Variants in PIGG observed in about 807,000 individuals in gnomAD.
PIGG encodes the protein phosphatidylinositol glycan anchor biosynthesis class G (EMM blood group).
Under a neutral mutation model 83.2 loss-of-function variants are expected in PIGG, and 70 were observed. The ratio of observed to expected loss-of-function variants is 0.84; its 90% CI spans 0.69 to 1.03. PIGG has a LOEUF of 1.03. Ranked by LOEUF, PIGG falls within the 50% of genes least tolerant of loss-of-function variation. The pLI is 0.00. For synonymous variants in PIGG, 532 were observed against 519.5 expected (o/e 1.02, Z -0.33); for missense variants, 1,257 against 1,233.6 (o/e 1.02, Z -0.28).
chr4:535,747 C>A lies in PIGG; in HGVS notation c.2735+1766C>A, dbSNP rs73794951. On this transcript the variant is annotated intron_variant, in intron 12 of 12. Coordinates refer to ENST00000453061, the MANE Select transcript of PIGG (RefSeq NM_001127178.3). ...CCGGCGACTCCACAGAGCATCTGCA[C>A]GTTTCTGTGGTCCCGCTCCGCCCTC... is the stretch of plus-strand genomic sequence containing the variant. Among the ~76,000 whole-genome samples, 1,117 of 152,276 alleles carry A rather than the reference C, an allele frequency of 7.3e-3. 14 individuals are homozygous for A. The highest frequency in any genetic ancestry group is 0.025 in the African/African-American group (1,052 of 41,560).
At chr4:535,034 G>A (rs967409087) in intron 12 of PIGG, among the ~76,000 whole-genome samples, 5 of 152,228 alleles carry the variant, frequency 3.3e-5, no homozygotes, top group Non-Finnish European at 7.3e-5. Context: ...CTCATCGTAT[G>A]TTTCTTGCTC....
At position 523,609 on chromosome 4, in the gene PIGG, C is replaced by T; in HGVS notation, c.1765C>T (p.Leu589=). The T allele has an allele frequency of 3.1e-6, 5 of 1,614,208 alleles. No homozygotes were observed. Among genetic ancestry groups the T allele is most frequent in the Non-Finnish European group, 4.2e-6 (5 of 1,180,046 alleles). The part of the protein sequence containing the change: ...YFLVNTLCLA[L]SQETYRNYFL... Reference sequence around the variant, plus strand: ...CCTTGTGAACACCCTGTGTCTAGCTCTGAGCCAAGAAACCTACAGAAACTA... The same window carrying T: ...CCTTGTGAACACCCTGTGTCTAGCTTTGAGCCAAGAAACCTACAGAAACTA... Residue 589 remains leucine, a synonymous_variant, in exon 9 of 13, where the codon CTG becomes TTG. Transcript: ENST00000453061.
Position 521,958 on chromosome 4 carries a change from C to T in PIGG, c.1614+17C>T. On this transcript the variant is annotated intron_variant, in intron 8 of 12. Transcript: ENST00000453061. ...CCAAGGAAGGTACGTACGGCTGGTT[C>T]CTGGGAGTGTGACGTAGTCCTTCTG... 1 of 1,613,402 alleles carries T rather than the reference C, an allele frequency of 6.2e-7. No individual in the cohort carries two copies. The highest frequency in any genetic ancestry group is 8.5e-7 in the Non-Finnish European group (1 of 1,179,460).
At chr4:499,626 T>C (rs1553874413) in intron 1 of PIGG, 137 bp downstream of exon 1, 2 of 1,419,586 alleles carry the variant, frequency 1.4e-6, no homozygotes, top group Non-Finnish European at 9.2e-7. Flanking sequence ...CCTCAGAAAT[T>C]TTTTTTAACC....
At chr4:508,689 C>T (rs782432858) in intron 4 of PIGG, 140 bp from the exon 5 acceptor site, 1 of 702,264 alleles carries the variant, frequency 1.4e-6, no homozygotes, top group Non-Finnish European at 2.4e-6. Flanking sequence ...TGGCTATGAG[C>T]TCATAGGAAA....
chr4:512,639 A>G (rs1023438443), intron 5 of PIGG, among the ~76,000 whole-genome samples: 4 of 147,512 alleles, frequency 2.7e-5, no homozygotes, highest in Non-Finnish European at 6.0e-5. Context: ...ACACGGTGAA[A>G]CCCCGTCTCT....
intron 3 of PIGG, 132 bp downstream of exon 3, chr4:506,059 A>G (rs1719572638): frequency 6.1e-6 from 4 of 652,080 alleles, no homozygotes; most frequent in Non-Finnish European, 1.1e-5. Context: ...TACTATGGAC[A>G]GGTGTAAAAA....
At chr4:503,286 CT>C (rs1718401479) in intron 2 of PIGG, among the ~76,000 whole-genome samples, 1 of 152,158 alleles carries the variant, frequency 6.6e-6, no homozygotes, top group Non-Finnish European at 1.5e-5. Context: ...GCCCAAATCA[CT>C]TCTGGACACA....
At chr4:510,829 T>C (rs1553883000) in intron 5 of PIGG, among the ~76,000 whole-genome samples, 1 of 151,958 alleles carries the variant, frequency 6.6e-6, no homozygotes, top group East Asian at 1.9e-4. Flanking sequence ...ACCTTCCTCT[T>C]CCCCAGCCCA....
intron 12 of PIGG, chr4:537,138 G>C (rs1164895061): frequency 6.6e-6 from 1 of 152,162 alleles, no homozygotes; most frequent in Admixed American, 6.5e-5. Context: ...AAAGTTTAAA[G>C]CATCAAGTTT....
intron 11 of PIGG, chr4:531,456 G>A (rs1364465825): frequency 6.5e-6 from 1 of 153,156 alleles, no homozygotes; most frequent in African/African-American, 2.4e-5. Context: ...TCTCTACCGT[G>A]AGGTCTGTAT....
At position 528,450 on chromosome 4, in the gene PIGG, T is replaced by G. The variant is rs1336901961; in HGVS notation, c.2261+1220T>G. On this transcript the variant is annotated intron_variant, in intron 10 of 12. Coordinates refer to ENST00000453061, the MANE Select transcript of PIGG (RefSeq NM_001127178.3). The surrounding 1 kb of genome is among the most constrained non-coding windows in gnomAD (Gnocchi z 4.8). ...GGCCGTGGGGCTCCGGGGGCACCCCTGGAAGTACTTCCTGGCTGAGTGGGG... is the reference window on the plus strand; with the variant it reads ...GGCCGTGGGGCTCCGGGGGCACCCCGGGAAGTACTTCCTGGCTGAGTGGGG... The G allele has an allele frequency of 5.1e-6, 5 of 985,142 alleles. No homozygotes were observed. The highest frequency in any genetic ancestry group is 6.0e-6 in the Non-Finnish European group (5 of 829,806). The allele number at this position is 985,142 out of a possible 1,614,324, so 61.0% of individuals were successfully genotyped here. A position where few individuals can be genotyped will look rare whatever the true frequency, so the allele number is the denominator to read the frequency against.
At chr4:521,322 ACT>A (rs1725809249) in intron 7 of PIGG, 49 bp downstream of exon 7, 1 of 1,208,990 alleles carries the variant, frequency 8.3e-7, no homozygotes, top group African/African-American at 1.5e-5. Context: ...TGATTTGATA[ACT>A]CAGCCAAATA....
In PIGG at chr4:539,546, T is replaced by G; in HGVS notation, c.*177T>G. ...TTTAATATACAGTTTGTATCATATT[T>G]TCCCCCATTGACAATCACTCTAGAA... On this transcript the variant is annotated 3_prime_UTR_variant, in exon 13 of 13. Coordinates refer to ENST00000453061, the MANE Select transcript of PIGG (RefSeq NM_001127178.3). 1.7e-6 allele frequency: 1 copy of G among 589,182 alleles called. No individual in the cohort carries two copies. Among genetic ancestry groups the G allele is most frequent in the East Asian group, 2.8e-5 (1 of 35,676 alleles). 36.5% of individuals were successfully genotyped at this position (589,182 alleles called of 1,614,324 possible).
At chr4:509,081 C>A in intron 5 of PIGG, 111 bp downstream of exon 5, 1 of 808,596 alleles carries the variant, frequency 1.2e-6, no homozygotes, top group Non-Finnish European at 1.9e-6. Flanking sequence ...TTGAAGTCCC[C>A]AAGCAATGTG....
chr4:523,036 A>G (rs1242574674), intron 8 of PIGG, among the ~76,000 whole-genome samples: 5 of 152,170 alleles, frequency 3.3e-5, no homozygotes, highest in African/African-American at 1.2e-4. Context: ...GGCACTGGCG[A>G]CGTGCATCTG....
intron 4 of PIGG, 65 bp from the exon 5 acceptor site, chr4:508,764 C>G (rs1553881367): frequency 6.7e-7 from 1 of 1,482,668 alleles, no homozygotes; most frequent in Non-Finnish European, 9.3e-7. Flanking sequence ...CGAAAATTGT[C>G]TTCTTAAGAT....
At chr4:521,331 A>C in intron 7 of PIGG, 58 bp downstream of exon 7, 1 of 1,102,250 alleles carries the variant, frequency 9.1e-7, no homozygotes, top group Non-Finnish European at 1.3e-6. Context: ...AACTCAGCCA[A>C]ATATTTATAG....
chr4:499,291 G>C lies in PIGG; in HGVS notation c.-45G>C, dbSNP rs782000320. 3 of 1,588,644 alleles carry C rather than the reference G, an allele frequency of 1.9e-6. No individual in the cohort carries two copies. The highest frequency in any genetic ancestry group is 1.7e-4 in the Middle Eastern group (1 of 5,910). ...CGGAAGCGCGGCTGCAGCAGGGCGA[G>C]GCTCCAGGTGGGGTCGGTTCCGCAT... is the stretch of plus-strand genomic sequence containing the variant. On this transcript the variant is annotated 5_prime_UTR_variant, in exon 1 of 13. Transcript: ENST00000453061.
Sources: allele counts gnomAD v4.1 joint callset (sites outside exome capture counted in the v4.1 genomes callset), GRCh38; gene constraint gnomAD v4.1.1; non-coding constraint Gnocchi (gnomAD v3.1); transcripts MANE v1.5; gene names NCBI Gene and HGNC (gene_info 2026-07-23, HGNC 2026-07-21).